The following C2orf69 variants were observed in gnomAD, a reference collection of about 807,000 sequenced individuals.
C2orf69 encodes the protein chromosome 2 open reading frame 69.
A neutral mutation model predicts 29.5 loss-of-function variants in C2orf69; 19 were observed. That is an observed-to-expected ratio of 0.65 (90% CI 0.45 to 0.95). The LOEUF (loss-of-function observed/expected upper bound fraction) is 0.95, where lower values mean the gene tolerates loss of function less well. C2orf69 is among the 40% of genes least tolerant of loss of function. C2orf69 has a pLI of 0.00. For synonymous variants in C2orf69, 194 were observed against 180.0 expected (o/e 1.08, Z -0.62); for missense variants, 416 against 482.1 (o/e 0.86, Z 1.28).
chr2:199,916,881 CTGGTTGA>C (rs908039912), intron 1 of C2orf69, among the ~76,000 whole-genome samples: 2 of 152,214 alleles, frequency 1.3e-5, no homozygotes, highest in African/African-American at 4.8e-5. Context: ...ATTCTGGGGT[CTGGTTGA>C]TGGTGGCCCT....
rs1027827117 is a variant in C2orf69 at position 199,927,215 on chromosome 2, T to A, written c.*1329T>A. ...AACCAACATTGACATTGTAATTGGG[T>A]GATTACAATAAAAGGTGAGCAGTTT... On this transcript the variant is annotated 3_prime_UTR_variant, in exon 2 of 2. Transcript: ENST00000319974. 7 of 150,826 alleles carry A rather than the reference T, an allele frequency of 4.6e-5. No homozygotes were observed. The South Asian group carries it at 1.2e-3, about 27-fold the overall frequency. The allele number at this position is 150,826 out of a possible 1,614,324, so 9.3% of individuals were successfully genotyped here.
chr2:199,911,758 C>A lies in C2orf69; in HGVS notation c.320C>A (p.Pro107His), dbSNP rs1486681700. The A allele has an allele frequency of 1.9e-6, 3 of 1,539,238 alleles. No individual in the cohort carries two copies. The highest frequency in any genetic ancestry group is 2.6e-6 in the Non-Finnish European group (3 of 1,146,918). ...PPPQHHVLYF[P>H]GDVQNYHEIM... ...CCCCAGCATCACGTCCTCTATTTCC[C>A]TGGGGATGTGCAGGTAACTCGGGGC... is the stretch of plus-strand genomic sequence containing the variant. Residue 107 changes from proline to histidine, a missense_variant, in exon 1 of 2, where the codon CCT becomes CAT. Coordinates refer to ENST00000319974, the MANE Select transcript of C2orf69 (RefSeq NM_153689.6).
At chr2:199,920,315 A>G (rs2077310852) in intron 1 of C2orf69, among the ~76,000 whole-genome samples, 1 of 152,156 alleles carries the variant, frequency 6.6e-6, no homozygotes, top group Admixed American at 6.5e-5. Flanking sequence ...TTTGACACAC[A>G]GTAATGATTC....
At position 199,911,764 on chromosome 2, in the gene C2orf69, A is replaced by T; in HGVS notation, c.326A>T (p.Asp109Val). The change falls in exon 1 of 2, where the codon GAT becomes GTT. Residue 109 changes from aspartate to valine, a missense_variant. Transcript: ENST00000319974. ...PQHHVLYFPG[D>V]VQNYHEIMTR... The stretch of plus-strand genomic sequence containing the variant: ...CATCACGTCCTCTATTTCCCTGGGG[A>T]TGTGCAGGTAACTCGGGGCCTGCCT... 6.5e-7 allele frequency: 1 copy of T among 1,538,716 alleles called. No homozygotes were observed. Among genetic ancestry groups the T allele is most frequent in the Non-Finnish European group, 8.7e-7 (1 of 1,146,882 alleles).
chr2:199,920,175 G>A (rs1049495038), intron 1 of C2orf69, among the ~76,000 whole-genome samples: 1 of 152,116 alleles, frequency 6.6e-6, no homozygotes, highest in African/African-American at 2.4e-5. Flanking sequence ...AACCTTTTCT[G>A]TAGATTGGCC....
In C2orf69 at chr2:199,911,699, C is replaced by T. The variant is rs1028805258; in HGVS notation, c.261C>T (p.Pro87=). ...AGEGLERQDL[P]GDPAKEEPQP... ...AGGGACTGGAGCGGCAGGACCTCCC[C>T]GGGGACCCAGCGAAGGAGGAGCCGC... The change falls in exon 1 of 2, where the codon CCC becomes CCT. Residue 87 remains proline (P), a synonymous_variant. Coordinates refer to ENST00000319974, the MANE Select transcript of C2orf69 (RefSeq NM_153689.6). 13 of 1,545,634 alleles carry T rather than the reference C, an allele frequency of 8.4e-6. No individual in the cohort carries two copies. Among genetic ancestry groups the T allele is most frequent in the African/African-American group, 4.1e-5 (3 of 73,044 alleles).
At position 199,925,366 on chromosome 2, in the gene C2orf69, A is replaced by ACTC; in HGVS notation, c.640_642dup (p.Ser214dup). 1.2e-6 allele frequency: 2 copies of ACTC among 1,613,628 alleles called. No individual in the cohort carries two copies. The highest frequency in any genetic ancestry group is 1.7e-6 in the Non-Finnish European group (2 of 1,179,730). On this transcript the variant is annotated inframe_insertion, in exon 2 of 2. Coordinates refer to ENST00000319974, the MANE Select transcript of C2orf69 (RefSeq NM_153689.6). This position sits in a 1 kb window ranked among gnomAD's most constrained non-coding sequence, Gnocchi z 4.9. ...AAAAGTTTGAATGTTTGGAATAAGG[A>ACTC]CTCCATAGCATCTAACTGTAGATCC...
intron 1 of C2orf69, among the ~76,000 whole-genome samples, chr2:199,922,190 G>C (rs1386160233): frequency 6.6e-6 from 1 of 151,134 alleles, no homozygotes; most frequent in Non-Finnish European, 1.5e-5. Flanking sequence ...CCACCTCCTG[G>C]GCTCAAGCCA....
Position 199,925,878 on chromosome 2 carries a change from G to T in C2orf69, c.1150G>T (p.Val384Leu). The change falls in exon 2 of 2, where the codon GTA becomes TTA. Residue 384 changes from valine to leucine, a missense_variant. Val to Leu is a conservative substitution (Grantham distance 32). Around this residue, in one of 4 missense-constraint regions of C2orf69, gnomAD observed 14 missense variants for 16.6 expected, o/e 0.84. Transcript: ENST00000319974. The surrounding 1 kb of genome is among the most constrained non-coding windows in gnomAD (Gnocchi z 4.9). ...SIENHFRVHE[V>L]F ...AGAGAATCACTTCAGGGTTCATGAA[G>T]TATTTTGAGATTACAGGTATATTAA... 1 of 1,605,870 alleles carries T rather than the reference G, an allele frequency of 6.2e-7. No homozygotes were observed. Among genetic ancestry groups the T allele is most frequent in the Non-Finnish European group, 8.5e-7 (1 of 1,173,760 alleles).
At position 199,925,118 on chromosome 2, in the gene C2orf69, T is replaced by C; in HGVS notation, c.390T>C (p.Ser130=). Residue 130 remains serine, a synonymous_variant, in exon 2 of 2, where the codon AGT becomes AGC. Coordinates refer to ENST00000319974, the MANE Select transcript of C2orf69 (RefSeq NM_153689.6). The surrounding 1 kb of genome is among the most constrained non-coding windows in gnomAD (Gnocchi z 4.9). The part of the protein sequence containing the change: ...HPENYQWENW[S]LENVATILAH... The stretch of plus-strand genomic sequence containing the variant: ...AGAATTATCAATGGGAAAACTGGAG[T>C]CTAGAAAATGTTGCTACCATTTTAG... 1.2e-6 allele frequency: 2 copies of C among 1,613,164 alleles called. No homozygotes were observed. Among genetic ancestry groups the C allele is most frequent in the Non-Finnish European group, 1.7e-6 (2 of 1,179,302 alleles).
Position 199,911,791 on chromosome 2 carries a change from G to A in C2orf69, c.333+20G>A, listed in dbSNP as rs973459800. On this transcript the variant is annotated intron_variant, in intron 1 of 1. Transcript: ENST00000319974. ...GTGCAGGTAACTCGGGGCCTGCCTG[G>A]GTATCTGTTCCTTCCTCTCGTGTAT... 2 of 1,537,028 alleles carry A rather than the reference G, an allele frequency of 1.3e-6. No homozygotes were observed. Among genetic ancestry groups the A allele is most frequent in the Admixed American group, 3.9e-5 (2 of 51,000 alleles).
At chr2:199,919,396 A>T (rs1293037671) in intron 1 of C2orf69, among the ~76,000 whole-genome samples, 2 of 152,246 alleles carry the variant, frequency 1.3e-5, no homozygotes, top group South Asian at 4.1e-4. Context: ...GTTAGGATCT[A>T]TAGACGATCA....
At chr2:199,921,333 G>A (rs1419636899) in intron 1 of C2orf69, among the ~76,000 whole-genome samples, 1 of 151,848 alleles carries the variant, frequency 6.6e-6, no homozygotes, top group Non-Finnish European at 1.5e-5. Flanking sequence ...AACATATATG[G>A]CAAACTACTA....
chr2:199,917,599 CTCTG>C (rs1312047381), intron 1 of C2orf69, among the ~76,000 whole-genome samples: 2 of 152,186 alleles, frequency 1.3e-5, no homozygotes, highest in African/African-American at 2.4e-5. Context: ...AGTTTATTAT[CTCTG>C]TCTGAGACCA....
In C2orf69 at chr2:199,913,186, T is replaced by TATATATTATATATAATATATA. The variant is rs1559291979; in HGVS notation, c.333+1437_333+1457dup. Among the ~76,000 whole-genome samples the TATATATTATATATAATATATA allele has an allele frequency of 6.8e-4, 71 of 105,180 alleles. 2 individuals carry two copies. The highest frequency in any genetic ancestry group is 2.0e-3 in the South Asian group (8 of 3,958). 69.0% of individuals were successfully genotyped at this position (105,180 alleles called of 152,430 possible). A position where few individuals can be genotyped will look rare whatever the true frequency, so the allele number is the denominator to read the frequency against. On this transcript the variant is annotated intron_variant, in intron 1 of 1. Transcript: ENST00000319974. The stretch of plus-strand genomic sequence containing the variant: ...TATATATATATTATATATAAAATTA[T>TATATATTATATATAATATATA]ATATATTATATATAATATATAATAT...
chr2:199,914,750 G>A (rs1384067770), intron 1 of C2orf69, among the ~76,000 whole-genome samples: 1 of 152,064 alleles, frequency 6.6e-6, no homozygotes, highest in Non-Finnish European at 1.5e-5. Context: ...TACCTAAAAA[G>A]CTTTCTGTAT....
chr2:199,913,019 G>A (rs1442108017), intron 1 of C2orf69, among the ~76,000 whole-genome samples: 1 of 149,088 alleles, frequency 6.7e-6, no homozygotes, highest in Non-Finnish European at 1.5e-5. Context: ...CTTAGAAACT[G>A]TGCTCTGAGT....
rs1463112026 is a variant in C2orf69 at position 199,926,522 on chromosome 2, G to C, written c.*636G>C. On this transcript the variant is annotated 3_prime_UTR_variant, in exon 2 of 2. Transcript: ENST00000319974. ...CCAGGTGTGGTGGCACGTGCCTTTA[G>C]TTCCAGCTACTCAGGAGGCTAAGGC... is the stretch of plus-strand genomic sequence containing the variant. The C allele has an allele frequency of 6.6e-6, 1 of 152,414 alleles. No individual in the cohort carries two copies. The highest frequency in any genetic ancestry group is 1.5e-5 in the Non-Finnish European group (1 of 68,232). 9.4% of individuals were successfully genotyped at this position (152,414 alleles called of 1,614,324 possible).
At chr2:199,917,437 C>G (rs1158422863) in intron 1 of C2orf69, among the ~76,000 whole-genome samples, 1 of 152,130 alleles carries the variant, frequency 6.6e-6, no homozygotes, top group Non-Finnish European at 1.5e-5. Flanking sequence ...ATTTTCCAAA[C>G]TTTTATGTGC....
Sources: allele counts gnomAD v4.1 joint callset (sites outside exome capture counted in the v4.1 genomes callset), GRCh38; gene constraint gnomAD v4.1.1; regional missense constraint gnomAD v4.1.1; non-coding constraint Gnocchi (gnomAD v3.1); transcripts MANE v1.5; gene names NCBI Gene and HGNC (gene_info 2026-07-23, HGNC 2026-07-21).